Variants in CDH13 observed in about 807,000 individuals in gnomAD.
The protein encoded by CDH13 is cadherin-13.
In CDH13, 24 loss-of-function variants were observed where a neutral mutation model predicts 63.8. That is an observed-to-expected ratio of 0.38 (90% CI 0.27 to 0.53). The LOEUF (loss-of-function observed/expected upper bound fraction) is 0.53. Ranked by LOEUF, CDH13 falls within the 20% of genes least tolerant of loss-of-function variation. The pLI, the probability that CDH13 is intolerant of heterozygous loss-of-function variation, is 0.85. For missense variants in CDH13, 1,049 were observed against 903.1 expected (o/e 1.16, Z -2.07); for synonymous variants, 503 against 355.3 (o/e 1.42, Z -4.67).
chr16:82,763,636 C>G (rs138867364), intron 1 of CDH13, among the ~76,000 whole-genome samples: 181 of 152,258 alleles, frequency 1.2e-3, no homozygotes, highest in African/African-American at 4.3e-3. Flanking sequence ...TGATATCTGT[C>G]TTTTCAATAG....
intron 6 of CDH13, among the ~76,000 whole-genome samples, chr16:83,420,006 T>C (rs2071669787): frequency 6.6e-6 from 1 of 152,070 alleles, no homozygotes; most frequent in African/African-American, 2.4e-5. Context: ...TTAACTCACA[T>C]TGCATCTTGG....
chr16:82,705,079 C>T (rs145990056), intron 1 of CDH13: 10 of 455,308 alleles, frequency 2.2e-5, no homozygotes, highest in Middle Eastern at 6.5e-4. Flanking sequence ...TGAGGCCTAC[C>T]ATATACCTAT....
At chr16:82,965,640 C>T (rs533357326) in intron 2 of CDH13, among the ~76,000 whole-genome samples, 3 of 152,106 alleles carry the variant, frequency 2.0e-5, no homozygotes, top group Non-Finnish European at 2.9e-5. Flanking sequence ...AAGGGATTCT[C>T]CTGCCATGGC....
chr16:83,723,594 C>G (rs943353005), intron 10 of CDH13, among the ~76,000 whole-genome samples: 13 of 152,316 alleles, frequency 8.5e-5, no homozygotes, highest in African/African-American at 3.1e-4. Context: ...AAGCCCTCCT[C>G]AACTCTGCCC....
chr16:83,489,811 A>G (rs1310880869), intron 7 of CDH13, among the ~76,000 whole-genome samples: 2 of 152,298 alleles, frequency 1.3e-5, no homozygotes, highest in African/African-American at 2.4e-5. Context: ...AAAACATTTA[A>G]TACAGACTTT....
chr16:83,210,880 TG>T (rs924938487), intron 4 of CDH13, among the ~76,000 whole-genome samples: 3 of 150,032 alleles, frequency 2.0e-5, no homozygotes, highest in African/African-American at 7.4e-5. Context: ...CCGGGCGTGG[TG>T]GCTCATGCTT....
At chr16:83,167,218 C>T (rs1009704707) in intron 4 of CDH13, among the ~76,000 whole-genome samples, 7 of 150,682 alleles carry the variant, frequency 4.6e-5, no homozygotes, top group Admixed American at 4.6e-4. Context: ...AAAAAAAGGC[C>T]GGGCACAGTG....
rs1906722492 is a variant in CDH13 at position 83,704,551 on chromosome 16, A to G, written c.1538+26090A>G. On this transcript the variant is annotated intron_variant, in intron 10 of 13. Transcript: ENST00000567109. The stretch of plus-strand genomic sequence containing the variant: ...TCCCACCAGGAAGCCATTGTGAGAT[A>G]TAGTCTGCCCACAGCCCCGCTGCCA... 2.0e-5 allele frequency among the ~76,000 whole-genome samples: 3 copies of G among 152,314 alleles called. No individual in the cohort carries two copies. The South Asian group carries it at 6.2e-4, about 32-fold the overall frequency.
chr16:82,986,917 G>T (rs983328544), intron 2 of CDH13, among the ~76,000 whole-genome samples: 7 of 152,160 alleles, frequency 4.6e-5, no homozygotes, highest in African/African-American at 1.7e-4. Flanking sequence ...CACCTGGTTT[G>T]GGTGAGTTAA....
At chr16:83,122,059 A>C (rs1229190273) in intron 3 of CDH13, among the ~76,000 whole-genome samples, 1 of 152,208 alleles carries the variant, frequency 6.6e-6, no homozygotes, top group East Asian at 1.9e-4. Flanking sequence ...TTTTGATAGG[A>C]AGCTGTTGTT....
chr16:82,741,102 G>A (rs147226163), intron 1 of CDH13, among the ~76,000 whole-genome samples: 1 of 152,198 alleles, frequency 6.6e-6, no homozygotes, highest in Non-Finnish European at 1.5e-5. Flanking sequence ...AATGACCACA[G>A]ATCTTCCTTT....
intron 3 of CDH13, among the ~76,000 whole-genome samples, chr16:83,095,789 C>A (rs1013702477): frequency 1.4e-4 from 21 of 152,134 alleles, no homozygotes; most frequent in African/African-American, 4.8e-4. Context: ...CTCTATGATT[C>A]TCACTGTGGA....
chr16:83,413,993 C>CA (rs912640538), intron 6 of CDH13, among the ~76,000 whole-genome samples: 49 of 150,686 alleles, frequency 3.3e-4, no homozygotes, highest in Non-Finnish European at 2.2e-4. Flanking sequence ...GACTCCATCT[C>CA]AAAAAAAACA....
At chr16:83,665,618 T>A (rs904643157) in intron 8 of CDH13, among the ~76,000 whole-genome samples, 1 of 152,228 alleles carries the variant, frequency 6.6e-6, no homozygotes, top group African/African-American at 2.4e-5. Flanking sequence ...CATCCCAGCT[T>A]TTCAAGTTCC....
chr16:82,966,756 A>T (rs1179404929), intron 2 of CDH13, among the ~76,000 whole-genome samples: 1 of 152,108 alleles, frequency 6.6e-6, no homozygotes, highest in East Asian at 1.9e-4. Flanking sequence ...CCCTCCCCCA[A>T]CTATTGAAGA....
chr16:83,380,828 A>G (rs2151416818), intron 6 of CDH13, among the ~76,000 whole-genome samples: 1 of 134,954 alleles, frequency 7.4e-6, no homozygotes, highest in Admixed American at 7.0e-5. Flanking sequence ...CACATTACCC[A>G]AGGTTTTTTT....
chr16:82,979,022 G>A (rs113326926), intron 2 of CDH13, among the ~76,000 whole-genome samples: 12 of 152,348 alleles, frequency 7.9e-5, no homozygotes, highest in African/African-American at 2.9e-4. Context: ...GCATCATCAT[G>A]CCCTAGATGT....
At chr16:83,061,504 C>T (rs575239600) in intron 3 of CDH13, among the ~76,000 whole-genome samples, 5 of 152,164 alleles carry the variant, frequency 3.3e-5, no homozygotes, top group Non-Finnish European at 5.9e-5. Flanking sequence ...GTGAGCAATG[C>T]CTTTCCCAGC....
chr16:82,848,341 T>A (rs1174815490), intron 1 of CDH13, among the ~76,000 whole-genome samples: 1 of 152,176 alleles, frequency 6.6e-6, no homozygotes, highest in Admixed American at 6.5e-5. Context: ...GCTTCTTGAC[T>A]TTGCTTTAGT....
Sources: gnomAD v4.1 joint callset for allele counts (sites outside exome capture counted in the v4.1 genomes callset) on GRCh38, gnomAD v4.1.1 for gene constraint, MANE v1.5 for transcripts, NCBI Gene and HGNC (gene_info 2026-07-23, HGNC 2026-07-21) for gene names.